Variants in COL14A1 observed in about 807,000 individuals in gnomAD.
COL14A1 encodes collagen type XIV alpha 1 chain, also known as collagen alpha-1(XIV) chain.
Under a neutral mutation model 230.3 loss-of-function variants are expected in COL14A1, and 136 were observed. The ratio of observed to expected loss-of-function variants is 0.59; its 90% confidence interval spans 0.51 to 0.68. COL14A1 has a LOEUF of 0.68. Among genes scored for constraint, COL14A1 ranks in the 30% least tolerant of loss-of-function variants. COL14A1 has a pLI of 0.00. For synonymous variants in COL14A1, 792 were observed against 784.1 expected (o/e 1.01, Z -0.17); for missense variants, 1,976 against 2,215.8 (o/e 0.89, Z 2.17).
chr8:120,285,273 A>G (rs1820158180), intron 32 of COL14A1, among the ~76,000 whole-genome samples: 1 of 151,758 alleles, frequency 6.6e-6, no homozygotes, highest in Admixed American at 6.6e-5. Context: ...ACATGAGGTC[A>G]GGAGATCGAG....
chr8:120,146,329 T>C (rs1043644414), intron 1 of COL14A1, among the ~76,000 whole-genome samples: 3 of 152,228 alleles, frequency 2.0e-5, no homozygotes, highest in South Asian at 2.1e-4. Flanking sequence ...CTGAAAAATA[T>C]GTTTTAGTTA....
At chr8:120,369,203 T>C in intron 46 of COL14A1, 127 bp from the exon 47 acceptor site, 1 of 886,598 alleles carries the variant, frequency 1.1e-6, no homozygotes, top group Non-Finnish European at 1.6e-6. Context: ...ACTCAATGAG[T>C]AGAAAGAGGT....
intron 18 of COL14A1, among the ~76,000 whole-genome samples, chr8:120,230,640 G>A (rs928909482): frequency 6.6e-6 from 1 of 151,970 alleles, no homozygotes; most frequent in South Asian, 2.1e-4. Context: ...ATGTTGCCAG[G>A]TAAATGTCAA....
At chr8:120,218,773 G>C (rs75360672) in intron 14 of COL14A1, among the ~76,000 whole-genome samples, 1 of 152,148 alleles carries the variant, frequency 6.6e-6, no homozygotes, top group Admixed American at 6.6e-5. Context: ...TGTGCATCCA[G>C]GACGCAGCCA....
chr8:120,342,470 G>C, intron 44 of COL14A1, 24 bp downstream of exon 44: 3 of 1,608,114 alleles, frequency 1.9e-6, no homozygotes, highest in Non-Finnish European at 2.6e-6. Flanking sequence ...GGTTACGGAG[G>C]ATGTTCCCCA....
intron 8 of COL14A1, among the ~76,000 whole-genome samples, chr8:120,200,713 A>ATT (rs1491443402): frequency 1.3e-5 from 1 of 78,476 alleles, no homozygotes; most frequent in South Asian, 4.9e-4. Context: ...AAGTTTTCCT[A>ATT]TTTATATATA....
intron 41 of COL14A1, among the ~76,000 whole-genome samples, 157 bp from the exon 42 acceptor site, chr8:120,332,507 C>T (rs1231400073): frequency 2.0e-5 from 3 of 152,188 alleles, no homozygotes; most frequent in Non-Finnish European, 2.9e-5. Flanking sequence ...AAAGTCTTCC[C>T]TCCGTTTTTG....
chr8:120,185,714 C>T (rs1816631002), intron 5 of COL14A1, among the ~76,000 whole-genome samples: 1 of 152,114 alleles, frequency 6.6e-6, no homozygotes, highest in Non-Finnish European at 1.5e-5. Flanking sequence ...AGTCCTAGCT[C>T]TGCCGGTAAC....
chr8:120,130,885 C>G (rs58881028), intron 1 of COL14A1, among the ~76,000 whole-genome samples: 1 of 152,016 alleles, frequency 6.6e-6, no homozygotes, highest in African/African-American at 2.4e-5. Context: ...TTCCTTCCCT[C>G]GCTATTAGTC....
intron 14 of COL14A1, among the ~76,000 whole-genome samples, chr8:120,223,427 T>C (rs557972171): frequency 3.5e-4 from 53 of 152,120 alleles, no homozygotes; most frequent in Non-Finnish European, 6.8e-4. Context: ...CCCAGCACTT[T>C]GGGAGGCCGA....
intron 1 of COL14A1, among the ~76,000 whole-genome samples, chr8:120,140,677 G>A (rs1008604903): frequency 1.8e-4 from 28 of 152,274 alleles, no homozygotes; most frequent in Admixed American, 6.5e-4. Context: ...TTACGAAAAC[G>A]TTAGGATAAA....
In COL14A1 at chr8:120,212,683, T is replaced by A; in HGVS notation, c.1597+106T>A. 3.3e-6 allele frequency: 4 copies of A among 1,207,052 alleles called. No individual in the cohort carries two copies. In the South Asian group the frequency reaches 6.1e-5, roughly 18 times the overall value. 74.8% of individuals were successfully genotyped at this position (1,207,052 alleles called of 1,614,324 possible). A position where few individuals can be genotyped will look rare whatever the true frequency, so the allele number is the denominator to read the frequency against. On this transcript the variant is annotated intron_variant, in intron 13 of 47. Coordinates refer to ENST00000297848, the MANE Select transcript of COL14A1 (RefSeq NM_021110.4). Reference sequence around the variant, plus strand: ...TTTGTTGAAACCTCTTAAAAGCTAATTATAATTTTAAAAATCTCATGTTCT... The same window carrying A: ...TTTGTTGAAACCTCTTAAAAGCTAAATATAATTTTAAAAATCTCATGTTCT...
intron 5 of COL14A1, among the ~76,000 whole-genome samples, chr8:120,177,284 A>G (rs1014614460): frequency 6.6e-6 from 1 of 152,180 alleles, no homozygotes; most frequent in Admixed American, 6.5e-5. Context: ...ATTTGCCATA[A>G]GTGTCAGAAG....
intron 47 of COL14A1, among the ~76,000 whole-genome samples, chr8:120,370,184 GAAC>G (rs1168667617): frequency 1.3e-5 from 2 of 152,160 alleles, no homozygotes; most frequent in Non-Finnish European, 1.5e-5. Context: ...GTGGGGCCAT[GAAC>G]TTACTAGTTA....
intron 40 of COL14A1, among the ~76,000 whole-genome samples, chr8:120,324,843 C>T (rs192674643): frequency 6.6e-6 from 1 of 152,216 alleles, no homozygotes; most frequent in East Asian, 1.9e-4. Flanking sequence ...AAGTATTCTC[C>T]TTTCTGACTT....
At chr8:120,224,168 A>T (rs2130798841) in intron 14 of COL14A1, among the ~76,000 whole-genome samples, 1 of 151,692 alleles carries the variant, frequency 6.6e-6, no homozygotes, top group East Asian at 2.0e-4. Flanking sequence ...CTGGGATTGC[A>T]GGTGCGCACC....
chr8:120,299,167 A>T (rs1278962997), intron 35 of COL14A1, among the ~76,000 whole-genome samples: 1 of 152,002 alleles, frequency 6.6e-6, no homozygotes, highest in African/African-American at 2.4e-5. Context: ...GGATTATGGG[A>T]ACTATATCAA....
In COL14A1 at chr8:120,255,311, C is replaced by T. The variant is rs775017283; in HGVS notation, c.2824C>T (p.His942Tyr). The T allele has an allele frequency of 3.1e-6, 5 of 1,614,114 alleles. No homozygotes were observed. The highest frequency in any genetic ancestry group is 4.2e-6 in the Non-Finnish European group (5 of 1,179,984). The change falls in exon 23 of 48, where the codon CAT becomes TAT. Residue 942 changes from histidine to tyrosine, a missense_variant. By Grantham distance (83) the His-to-Tyr change is moderately conservative. Transcript: ENST00000297848. ...CAGCTTGTGTGCCCACTGGCAGGTACATCGCCATGCCACAGCCTATAGGGT... is the reference window on the plus strand; with the variant it reads ...CAGCTTGTGTGCCCACTGGCAGGTATATCGCCATGCCACAGCCTATAGGGT... ...MTSLCAHWQV[H>Y]RHATAYRVVI...
rs143609550 is a variant in COL14A1, at chr8:120,274,066, C to T, written c.3213+3892C>T. ...TGCCAACATCCCTTGTGAACATAGA[C>T]GCAAAAATAATCAACAAAATACTAG... On this transcript the variant is annotated intron_variant, in intron 26 of 47. Transcript: ENST00000297848. Among the ~76,000 whole-genome samples, 1,414 of 151,626 alleles carry T rather than the reference C, an allele frequency of 9.3e-3. 21 individuals are homozygous for T. The highest frequency in any genetic ancestry group is 0.032 in the African/African-American group (1,305 of 41,412).
Sources: allele counts gnomAD v4.1 joint callset (sites outside exome capture counted in the v4.1 genomes callset), GRCh38; gene constraint gnomAD v4.1.1; transcripts MANE v1.5; gene names NCBI Gene and HGNC (gene_info 2026-07-23, HGNC 2026-07-21).